SMYD3: variants seen among roughly 807,000 people sequenced by gnomAD.
SMYD3 encodes the protein histone-lysine N-methyltransferase SMYD3.
A neutral mutation model predicts 57.7 loss-of-function variants in SMYD3; 36 were observed. That is an observed-to-expected ratio of 0.62 (90% CI 0.48 to 0.82). The LOEUF is 0.82. SMYD3 is among the 40% of genes least tolerant of loss of function. The pLI, the probability that SMYD3 is intolerant of heterozygous loss-of-function variation, is 0.00. For synonymous variants in SMYD3, 211 were observed against 195.0 expected (o/e 1.08, Z -0.68); for missense variants, 515 against 538.8 (o/e 0.96, Z 0.44).
intron 5 of SMYD3, among the ~76,000 whole-genome samples, chr1:246,180,134 C>T (rs2062511288): frequency 1.3e-5 from 2 of 149,674 alleles, no homozygotes. Context: ...ATAGCAAGAT[C>T]CCATATCTAA....
intron 5 of SMYD3, among the ~76,000 whole-genome samples, chr1:246,201,786 G>A (rs2062926439): frequency 6.6e-6 from 1 of 152,222 alleles, no homozygotes; most frequent in Admixed American, 6.5e-5. Context: ...GCCGAGGCAA[G>A]TGGATCACTT....
intron 5 of SMYD3, among the ~76,000 whole-genome samples, chr1:246,097,292 T>C (rs2060931944): frequency 6.6e-6 from 1 of 152,114 alleles, no homozygotes; most frequent in Non-Finnish European, 1.5e-5. Context: ...GGTTACAAAC[T>C]ATGCTGATTC....
intron 8 of SMYD3, among the ~76,000 whole-genome samples, chr1:245,877,901 G>A (rs772624578): frequency 1.3e-5 from 2 of 152,228 alleles, no homozygotes; most frequent in Non-Finnish European, 2.9e-5. Context: ...CGCCACGCAG[G>A]TGGAATCTGA....
intron 5 of SMYD3, among the ~76,000 whole-genome samples, chr1:246,031,805 G>C (rs1304513235): frequency 1.3e-5 from 2 of 151,652 alleles, no homozygotes; most frequent in Middle Eastern, 3.2e-3. Flanking sequence ...GATAAAATTA[G>C]GTTGGTTTCA....
intron 5 of SMYD3, among the ~76,000 whole-genome samples, chr1:246,021,006 C>A (rs2148226418): frequency 6.6e-6 from 1 of 152,274 alleles, no homozygotes; most frequent in East Asian, 1.9e-4. Flanking sequence ...AAGTAAACAG[C>A]AAATTTGATT....
chr1:246,055,888 A>G (rs1482120067), intron 5 of SMYD3, among the ~76,000 whole-genome samples: 4 of 152,282 alleles, frequency 2.6e-5, no homozygotes, highest in Admixed American at 2.6e-4. Flanking sequence ...AATGGGTTCA[A>G]AGTTTCAGTT....
chr1:246,370,656 G>C (rs1217746704), intron 1 of SMYD3, among the ~76,000 whole-genome samples: 2 of 152,294 alleles, frequency 1.3e-5, no homozygotes, highest in African/African-American at 4.8e-5. Flanking sequence ...AGGCTGCTGG[G>C]TGTATTCTCA....
At chr1:246,373,864 G>A (rs1441894806) in intron 1 of SMYD3, among the ~76,000 whole-genome samples, 3 of 152,122 alleles carry the variant, frequency 2.0e-5, no homozygotes, top group African/African-American at 7.2e-5. Context: ...TAGACATGGA[G>A]AAATCTTTAA....
At chr1:245,752,302 G>C (rs911319632) in intron 11 of SMYD3, among the ~76,000 whole-genome samples, 4 of 152,172 alleles carry the variant, frequency 2.6e-5, no homozygotes, top group Admixed American at 1.3e-4. Context: ...TAACCTGCTC[G>C]GCCTCGCCTC....
At chr1:245,848,676 T>G (rs1430676292) in intron 10 of SMYD3, among the ~76,000 whole-genome samples, 1 of 151,914 alleles carries the variant, frequency 6.6e-6, no homozygotes, top group African/African-American at 2.4e-5. Context: ...CCTCCCAAAG[T>G]GCTGGGATTA....
intron 1 of SMYD3, 113 bp downstream of exon 1, chr1:246,506,941 C>T (rs1572067791): frequency 1.9e-6 from 2 of 1,027,018 alleles, no homozygotes; most frequent in African/African-American, 3.4e-5. Context: ...GCCAAGCTGC[C>T]TGTGCAGCCC....
chr1:246,159,708 C>T (rs74154369), intron 5 of SMYD3, among the ~76,000 whole-genome samples: 6,472 of 152,248 alleles, frequency 0.043, 174 homozygotes, highest in South Asian at 0.088. Context: ...GCTTGTAAAA[C>T]AGAAGACCAG....
intron 10 of SMYD3, among the ~76,000 whole-genome samples, chr1:245,777,158 T>C (rs138990689): frequency 1.1e-3 from 165 of 152,272 alleles, no homozygotes; most frequent in South Asian, 1.9e-3. Context: ...GTAAGAATAA[T>C]GGTAATTACA....
chr1:245,925,493 G>A (rs908136355), intron 7 of SMYD3, among the ~76,000 whole-genome samples: 2 of 152,084 alleles, frequency 1.3e-5, no homozygotes, highest in Non-Finnish European at 2.9e-5. Flanking sequence ...AGTTTGAAAG[G>A]CATAGGATAT....
At chr1:246,293,913 T>G (rs547838853) in intron 5 of SMYD3, among the ~76,000 whole-genome samples, 2 of 152,326 alleles carry the variant, frequency 1.3e-5, no homozygotes, top group African/African-American at 4.8e-5. Flanking sequence ...TTGAACTCAA[T>G]GAACCTTTTC....
At chr1:246,220,338 C>T (rs910359009) in intron 5 of SMYD3, among the ~76,000 whole-genome samples, 1 of 150,890 alleles carries the variant, frequency 6.6e-6, no homozygotes, top group Non-Finnish European at 1.5e-5. Context: ...CCCAACCCAC[C>T]ATGCAGCTGC....
At chr1:246,478,397 T>A (rs1325239466) in intron 1 of SMYD3, among the ~76,000 whole-genome samples, 2 of 151,426 alleles carry the variant, frequency 1.3e-5, no homozygotes, top group Non-Finnish European at 3.0e-5. Flanking sequence ...AGTGCTCATA[T>A]ATGCACACCT....
intron 5 of SMYD3, among the ~76,000 whole-genome samples, chr1:246,102,419 G>C (rs1043668455): frequency 4.6e-5 from 7 of 151,934 alleles, no homozygotes; most frequent in African/African-American, 7.3e-5. Context: ...AACTCCATTT[G>C]GTTGCTTACT....
intron 1 of SMYD3, among the ~76,000 whole-genome samples, chr1:246,358,674 T>G (rs200095749): frequency 6.6e-6 from 1 of 152,238 alleles, no homozygotes; most frequent in Admixed American, 6.5e-5. Flanking sequence ...CTCAAAACCA[T>G]GCAAATATAT....
Sources: allele counts gnomAD v4.1 joint callset (sites outside exome capture counted in the v4.1 genomes callset), GRCh38; gene constraint gnomAD v4.1.1; transcripts MANE v1.5; gene names NCBI Gene and HGNC (gene_info 2026-07-23, HGNC 2026-07-21).